The following KBTBD11 variants were observed in gnomAD, a reference collection of about 807,000 sequenced individuals.
KBTBD11 encodes kelch repeat and BTB domain containing 11.
For synonymous variants in KBTBD11, 747 were observed against 499.0 expected (o/e 1.50, Z -6.63); for missense variants, 1,390 against 1,001.8 (o/e 1.39, Z -5.23).
intron 1 of KBTBD11, among the ~76,000 whole-genome samples, chr8:1,979,834 C>A (rs1816480377): frequency 6.6e-6 from 1 of 152,264 alleles, no homozygotes; most frequent in Non-Finnish European, 1.5e-5. Flanking sequence ...GGGCTCGGGC[C>A]TCATCCCGCG....
At position 1,994,296 on chromosome 8, in the gene KBTBD11, C is replaced by T. The variant is rs918644996; in HGVS notation, c.-908-5989C>T. Among the ~76,000 whole-genome samples, 9 of 152,362 alleles carry T rather than the reference C, an allele frequency of 5.9e-5. No individual in the cohort carries two copies. In the East Asian group the frequency reaches 7.7e-4, roughly 13 times the overall value. On this transcript the variant is annotated intron_variant, in intron 1 of 1. Coordinates refer to ENST00000320248, the MANE Select transcript of KBTBD11 (RefSeq NM_014867.3). The stretch of plus-strand genomic sequence containing the variant: ...CCCAGTGCTGCCCCATCTCCTGCTG[C>T]GTCAATGCTCAGAACTGCGCAGAGC...
intron 1 of KBTBD11, among the ~76,000 whole-genome samples, chr8:1,984,962 A>G (rs1463902635): frequency 1.3e-5 from 2 of 152,206 alleles, no homozygotes; most frequent in Non-Finnish European, 2.9e-5. Flanking sequence ...TGCGATTACA[A>G]GGTCATGTGC....
Position 1,983,923 on chromosome 8 carries a change from A to G in KBTBD11, c.-909+9988A>G, listed in dbSNP as rs1816623200. On this transcript the variant is annotated intron_variant, in intron 1 of 1. Coordinates refer to ENST00000320248, the MANE Select transcript of KBTBD11 (RefSeq NM_014867.3). Reference sequence around the variant, plus strand: ...GGTGGGTGGATCACCTGAGGTCAGGAGTTTGAGACCAGCCTGGCCAACAAG... The same window carrying G: ...GGTGGGTGGATCACCTGAGGTCAGGGGTTTGAGACCAGCCTGGCCAACAAG... 2.0e-5 allele frequency among the ~76,000 whole-genome samples: 3 copies of G among 152,034 alleles called. No homozygotes were observed. The South Asian group carries it at 6.2e-4, about 32-fold the overall frequency.
At chr8:1,994,132 C>T (rs1362519603) in intron 1 of KBTBD11, among the ~76,000 whole-genome samples, 1 of 152,148 alleles carries the variant, frequency 6.6e-6, no homozygotes, top group Non-Finnish European at 1.5e-5. Context: ...AAAAGCTCTT[C>T]TTCAGGAAAT....
intron 1 of KBTBD11, among the ~76,000 whole-genome samples, chr8:1,985,786 T>G (rs1372701684): frequency 2.0e-5 from 3 of 152,242 alleles, no homozygotes; most frequent in Non-Finnish European, 2.9e-5. Flanking sequence ...GAGTGAGACC[T>G]TGTCTCTAAC....
In KBTBD11 at chr8:2,000,290, A is replaced by G. The variant is rs1241882646; in HGVS notation, c.-903A>G. 3.9e-5 allele frequency: 6 copies of G among 152,258 alleles called. No homozygotes were observed. The highest frequency in any genetic ancestry group is 1.4e-4 in the African/African-American group (6 of 41,458). 9.4% of individuals were successfully genotyped at this position (152,258 alleles called of 1,614,324 possible). On this transcript the variant is annotated 5_prime_UTR_variant, in exon 2 of 2. Coordinates refer to ENST00000320248, the MANE Select transcript of KBTBD11 (RefSeq NM_014867.3). Reference sequence around the variant, plus strand: ...TCTTTTTGTCCTATAAACAGGAACAAGAGTGTGGTGAGAGGACGCGGAAAC... The same window carrying G: ...TCTTTTTGTCCTATAAACAGGAACAGGAGTGTGGTGAGAGGACGCGGAAAC...
intron 1 of KBTBD11, among the ~76,000 whole-genome samples, chr8:1,996,189 C>G (rs1022673077): frequency 7.2e-5 from 11 of 152,200 alleles, no homozygotes; most frequent in Non-Finnish European, 1.6e-4. Flanking sequence ...GTGGGCACGG[C>G]CCACCCAGGC....
intron 1 of KBTBD11, among the ~76,000 whole-genome samples, chr8:1,985,166 G>A (rs757888346): frequency 7.9e-5 from 12 of 152,224 alleles, no homozygotes; most frequent in Non-Finnish European, 1.3e-4. Flanking sequence ...GAGGGTGGCC[G>A]ATGGCCGAAT....
chr8:2,001,539 ACCCCGCGTC>A lies in KBTBD11; in HGVS notation c.353_361del (p.Ala118_Pro120del), dbSNP rs1817356868. 9.1e-6 allele frequency: 13 copies of A among 1,430,714 alleles called. No individual in the cohort carries two copies. Among genetic ancestry groups the A allele is most frequent in the East Asian group, 3.1e-5 (1 of 32,554 alleles). The allele number at this position is 1,430,714 out of a possible 1,614,324, so 88.6% of individuals were successfully genotyped here. ...CCCGAACCGCGCGTTTGGCTTGAGGACCCCGCGTCCCCCGAGGAGCCCGGGGAGCCCGCG... is the reference window on the plus strand; with the variant it reads ...CCCGAACCGCGCGTTTGGCTTGAGGACCCCGAGGAGCCCGGGGAGCCCGCG... On this transcript the variant is annotated inframe_deletion, in exon 2 of 2. Coordinates refer to ENST00000320248, the MANE Select transcript of KBTBD11 (RefSeq NM_014867.3).
intron 1 of KBTBD11, among the ~76,000 whole-genome samples, chr8:1,988,791 G>A (rs1243648846): frequency 3.3e-5 from 5 of 151,944 alleles, no homozygotes; most frequent in Non-Finnish European, 4.4e-5. Flanking sequence ...TAGCTGGCGC[G>A]CTGTCTGGCA....
At chr8:1,977,005 C>A (rs947830488) in intron 1 of KBTBD11, among the ~76,000 whole-genome samples, 1 of 152,034 alleles carries the variant, frequency 6.6e-6, no homozygotes, top group Non-Finnish European at 1.5e-5. Context: ...AACCCATGGG[C>A]CACGAGCCAC....
At chr8:1,999,615 A>C (rs1365682153) in intron 1 of KBTBD11, among the ~76,000 whole-genome samples, 1 of 152,042 alleles carries the variant, frequency 6.6e-6, no homozygotes, top group Non-Finnish European at 1.5e-5. Flanking sequence ...TTTCGCTTTG[A>C]TTTTCCTTTT....
chr8:2,001,528 T>G lies in KBTBD11; in HGVS notation c.336T>G (p.Val112=). 7.0e-7 allele frequency: 1 copy of G among 1,423,914 alleles called. No homozygotes were observed. The highest frequency in any genetic ancestry group is 9.1e-7 in the Non-Finnish European group (1 of 1,094,520). 88.2% of individuals were successfully genotyped at this position (1,423,914 alleles called of 1,614,324 possible). ...EPAAPSPEPR[V]WLEDPASPEE... is the part of the protein sequence containing the mutation. ...CGGCGCCGTCCCCCGAACCGCGCGT[T>G]TGGCTTGAGGACCCCGCGTCCCCCG... Residue 112 remains valine, a synonymous_variant, in exon 2 of 2, where the codon GTT becomes GTG. Coordinates refer to ENST00000320248, the MANE Select transcript of KBTBD11 (RefSeq NM_014867.3).
intron 1 of KBTBD11, among the ~76,000 whole-genome samples, chr8:1,985,112 G>A (rs1002976245): frequency 6.6e-6 from 1 of 152,190 alleles, no homozygotes; most frequent in Non-Finnish European, 1.5e-5. Context: ...TCCTGTTGCC[G>A]ACAGCCAGTC....
At chr8:1,998,652 C>G (rs1424994802) in intron 1 of KBTBD11, among the ~76,000 whole-genome samples, 2 of 152,182 alleles carry the variant, frequency 1.3e-5, no homozygotes, top group Non-Finnish European at 1.5e-5. Context: ...GCTATGTCTT[C>G]TGTATCTTAC....
In KBTBD11 at chr8:2,002,571, A is replaced by T; in HGVS notation, c.1379A>T (p.Tyr460Phe). The change falls in exon 2 of 2, where the codon TAC becomes TTC. Residue 460 changes from tyrosine (Y) to phenylalanine (F), a missense_variant. By Grantham distance (22) the Tyr-to-Phe change is conservative. Coordinates refer to ENST00000320248, the MANE Select transcript of KBTBD11 (RefSeq NM_014867.3). The surrounding 1 kb of genome is among the most constrained non-coding windows in gnomAD (Gnocchi z 4.1). ...HEATTCHGEI[Y>F]VSGGSLFYRL... ...GCCACCACCTGCCACGGCGAGATCT[A>T]CGTGTCCGGGGGCTCCCTCTTCTAT... 1.3e-6 allele frequency: 2 copies of T among 1,581,418 alleles called. No individual in the cohort carries two copies. The highest frequency in any genetic ancestry group is 1.7e-6 in the Non-Finnish European group (2 of 1,172,958).
chr8:2,001,677 G>A lies in KBTBD11; in HGVS notation c.485G>A (p.Ser162Asn). The change falls in exon 2 of 2, where the codon AGC becomes AAC. Residue 162 changes from serine to asparagine, a missense_variant. By Grantham distance (46) the Ser-to-Asn change is conservative (BLOSUM62 1). Transcript: ENST00000320248. ...CACAAGGCGGTGCTGGCGGCGCGCA[G>A]CGACTACTTCCGCGCGCGCGCGTCG... ...RAHKAVLAARSDYFRARASRD... is the reference protein window; with the variant it reads ...RAHKAVLAARNDYFRARASRD... 2.1e-6 allele frequency: 3 copies of A among 1,462,796 alleles called. No homozygotes were observed. Among genetic ancestry groups the A allele is most frequent in the Non-Finnish European group, 2.7e-6 (3 of 1,112,104 alleles). The allele number at this position is 1,462,796 out of a possible 1,614,324, so 90.6% of individuals were successfully genotyped here.
intron 1 of KBTBD11, among the ~76,000 whole-genome samples, chr8:1,991,358 G>A (rs1161639075): frequency 3.9e-5 from 6 of 152,242 alleles, no homozygotes; most frequent in Non-Finnish European, 5.9e-5. Flanking sequence ...ATCCCCGCAC[G>A]CTAGCCTAAG....
chr8:1,978,614 G>A (rs1320653488), intron 1 of KBTBD11, among the ~76,000 whole-genome samples: 2 of 152,236 alleles, frequency 1.3e-5, no homozygotes, highest in African/African-American at 4.8e-5. Context: ...ACGAGGCGGG[G>A]AGGTCATGTT....
Sources: allele counts gnomAD v4.1 joint callset (sites outside exome capture counted in the v4.1 genomes callset), GRCh38; gene constraint gnomAD v4.1.1; non-coding constraint Gnocchi (gnomAD v3.1); transcripts MANE v1.5; gene names NCBI Gene and HGNC (gene_info 2026-07-23, HGNC 2026-07-21).